The following NHSL1 variants were observed in gnomAD, a reference collection of about 807,000 sequenced individuals.
NHSL1 encodes the protein NHS like 1.
A neutral mutation model predicts 95.0 loss-of-function variants in NHSL1; 48 were observed. The observed-to-expected ratio is 0.51, with a 90% CI of 0.40 to 0.64. The LOEUF is 0.64. NHSL1 is among the 30% of genes least tolerant of loss of function. The pLI, the probability that NHSL1 is intolerant of heterozygous loss-of-function variation, is 0.00. For synonymous variants in NHSL1, 783 were observed against 833.9 expected (o/e 0.94, Z 1.05); for missense variants, 1,971 against 2,077.7 (o/e 0.95, Z 1.00).
chr6:138,434,369 T>C (rs893481705), intron 5 of NHSL1, among the ~76,000 whole-genome samples: 1 of 151,868 alleles, frequency 6.6e-6, no homozygotes, highest in Non-Finnish European at 1.5e-5. Context: ...TTAGGATGAT[T>C]TATTCGTTGG....
intron 1 of NHSL1, among the ~76,000 whole-genome samples, chr6:138,555,875 T>C (rs1783178450): frequency 6.6e-6 from 1 of 152,116 alleles, no homozygotes; most frequent in African/African-American, 2.4e-5. Context: ...GACAAAGGAA[T>C]GTAAGGACAT....
chr6:138,575,459 C>A (rs955940560), upstream of NHSL1, among the ~76,000 whole-genome samples: 14 of 152,158 alleles, frequency 9.2e-5, no homozygotes, highest in Admixed American at 7.2e-4. Context: ...AGTAAGTGCC[C>A]ACGTCTGCCA....
chr6:138,623,712 T>G (rs1243119874), intron 1 of NHSL1, among the ~76,000 whole-genome samples: 1 of 152,294 alleles, frequency 6.6e-6, no homozygotes, highest in East Asian at 1.9e-4. Flanking sequence ...CTCACAATCC[T>G]GATTACAGAG....
intron 1 of NHSL1, among the ~76,000 whole-genome samples, chr6:138,589,488 C>T (rs1562384609): frequency 6.6e-6 from 1 of 152,158 alleles, no homozygotes; most frequent in Non-Finnish European, 1.5e-5. Flanking sequence ...CACCTTCCAC[C>T]ATGTGCTCAG....
At position 138,424,212 on chromosome 6, in the gene NHSL1, C is replaced by T. The variant is rs868396097; in HGVS notation, c.4690G>A (p.Gly1564Ser). 4.7e-6 allele frequency: 7 copies of T among 1,501,988 alleles called. No individual in the cohort carries two copies. The highest frequency in any genetic ancestry group is 4.2e-5 in the African/African-American group (3 of 71,564). The allele number at this position is 1,501,988 out of a possible 1,614,324, so 93.0% of individuals were successfully genotyped here. A position where few individuals can be genotyped will look rare whatever the true frequency, so the allele number is the denominator to read the frequency against. Residue 1564 changes from glycine to serine, a missense_variant, in exon 8 of 8, where the codon GGC becomes AGC. Around this residue, in one of 3 missense-constraint regions of NHSL1, gnomAD observed 223 missense variants for 217.0 expected, o/e 1.03. Transcript: ENST00000343505. This position sits in a 1 kb window ranked among gnomAD's most constrained non-coding sequence, Gnocchi z 5.9. ...GCAGGCCCCTCCCCACAGAGCAGGC[C>T]GCCCTCGTCCATCTCCTCCCTCGCC... is the stretch of plus-strand genomic sequence containing the variant. ...GLAREEMDEG[G>S]LLCGEGPAAS... is the part of the protein sequence containing the mutation.
chr6:138,618,967 G>T (rs1784617702), intron 1 of NHSL1, among the ~76,000 whole-genome samples: 1 of 152,170 alleles, frequency 6.6e-6, no homozygotes. Context: ...CCTGCTGCAG[G>T]AGTTCCTACC....
intron 5 of NHSL1, among the ~76,000 whole-genome samples, chr6:138,437,342 A>ATACG (rs1776197168): frequency 3.6e-5 from 1 of 27,808 alleles, no homozygotes; most frequent in Non-Finnish European, 6.8e-5. Flanking sequence ...ATATATATAT[A>ATACG]CACATATATA....
chr6:138,427,568 C>T (rs1775346820), intron 7 of NHSL1, among the ~76,000 whole-genome samples: 1 of 151,870 alleles, frequency 6.6e-6, no homozygotes, highest in Non-Finnish European at 1.5e-5. Context: ...ACATACACAA[C>T]ACACACACAC....
At chr6:138,628,397 C>T (rs1454511473) in intron 1 of NHSL1, among the ~76,000 whole-genome samples, 2 of 151,836 alleles carry the variant, frequency 1.3e-5, no homozygotes, top group Non-Finnish European at 2.9e-5. Flanking sequence ...CTTTAATATG[C>T]ATATTTTGGG....
intron 1 of NHSL1, among the ~76,000 whole-genome samples, chr6:138,628,502 C>A (rs143342865): frequency 8.2e-4 from 125 of 152,274 alleles, no homozygotes; most frequent in African/African-American, 2.9e-3. Flanking sequence ...CTTTGTAATA[C>A]TGCATCCTAC....
chr6:138,621,403 G>A (rs1004963200), intron 1 of NHSL1, among the ~76,000 whole-genome samples: 8 of 151,924 alleles, frequency 5.3e-5, no homozygotes, highest in Non-Finnish European at 1.2e-4. Context: ...CTTTTGTTAT[G>A]AAATCTTTCA....
intron 1 of NHSL1, among the ~76,000 whole-genome samples, chr6:138,642,138 T>C (rs537204142): frequency 8.5e-5 from 13 of 152,264 alleles, no homozygotes; most frequent in Admixed American, 2.6e-4. Context: ...ACTTAAATTT[T>C]TGAGTTGTCA....
In NHSL1 at chr6:138,430,879, G is replaced by A. The variant is rs111969947; in HGVS notation, c.3466C>T (p.Arg1156Cys). The part of the protein sequence containing the change: ...SQGDHGSAAE[R>C]GGPVSRSPGA... ...GGGCTGCGGCTCACAGGGCCACCACGCTCAGCCGCACTGCCATGGTCACCC... is the reference window on the plus strand; with the variant it reads ...GGGCTGCGGCTCACAGGGCCACCACACTCAGCCGCACTGCCATGGTCACCC... Residue 1156 changes from arginine to cysteine, a missense_variant, in exon 6 of 8, where the codon CGT becomes TGT. Arg to Cys is a radical substitution (Grantham distance 180, BLOSUM62 -3). This residue lies in a region of NHSL1 where 1,602 missense variants were observed against 1,654.5 expected (regional missense o/e 0.97). Coordinates refer to ENST00000343505, the MANE Select transcript of NHSL1 (RefSeq NM_001144060.2). This position sits in a 1 kb window ranked among gnomAD's most constrained non-coding sequence, Gnocchi z 4.7. 32 of 1,551,244 alleles carry A rather than the reference G, an allele frequency of 2.1e-5. No individual in the cohort carries two copies. The highest frequency in any genetic ancestry group is 2.1e-4 in the African/African-American group (15 of 73,158).
intron 1 of NHSL1, among the ~76,000 whole-genome samples, chr6:138,504,886 C>T (rs1475224325): frequency 3.9e-5 from 6 of 152,178 alleles, no homozygotes; most frequent in African/African-American, 1.2e-4. Context: ...GCCTATGTTT[C>T]ACCACCTGTA....
chr6:138,646,465 C>T (rs919991054), intron 1 of NHSL1, among the ~76,000 whole-genome samples: 31 of 152,084 alleles, frequency 2.0e-4, no homozygotes, highest in African/African-American at 7.5e-4. Flanking sequence ...CCACAGCACT[C>T]CTGCCTGAGC....
intron 5 of NHSL1, among the ~76,000 whole-genome samples, chr6:138,436,953 G>GA (rs909212009): frequency 6.6e-5 from 10 of 151,152 alleles, no homozygotes; most frequent in South Asian, 4.2e-4. Flanking sequence ...CTACTGCTCA[G>GA]AAAAAAAAAG....
chr6:138,444,693 T>C (rs115420324), intron 4 of NHSL1, among the ~76,000 whole-genome samples: 2,989 of 152,086 alleles, frequency 0.02, 99 homozygotes, highest in African/African-American at 0.068. Context: ...TTTTTTAATC[T>C]CAAATATCTT....
At chr6:138,544,340 T>C (rs1460907780) in intron 1 of NHSL1, among the ~76,000 whole-genome samples, 2 of 152,170 alleles carry the variant, frequency 1.3e-5, no homozygotes, top group East Asian at 3.9e-4. Flanking sequence ...TGTCAGCCCA[T>C]GACTCCTTGG....
intron 1 of NHSL1, among the ~76,000 whole-genome samples, chr6:138,676,754 A>G (rs554646418): frequency 6.6e-6 from 1 of 152,304 alleles, no homozygotes; most frequent in South Asian, 2.1e-4. Flanking sequence ...TCCCGGGTTC[A>G]AGTGATTCTC....
Sources: gnomAD v4.1 joint callset for allele counts (sites outside exome capture counted in the v4.1 genomes callset) on GRCh38, gnomAD v4.1.1 for gene constraint, gnomAD v4.1.1 regional missense constraint, Gnocchi (gnomAD v3.1) non-coding constraint, MANE v1.5 for transcripts, NCBI Gene and HGNC (gene_info 2026-07-23, HGNC 2026-07-21) for gene names.